Variants in NAT1 observed in about 807,000 individuals in gnomAD.
NAT1 encodes arylamine N-acetyltransferase 1.
For synonymous variants in NAT1, 144 were observed against 122.6 expected, an observed-to-expected ratio of 1.17 and a Z score of -1.16; for missense variants, 400 against 339.2, an observed-to-expected ratio of 1.18 and a Z score of -1.41.
intron 2 of NAT1, among the ~76,000 whole-genome samples, chr8:18,184,679 G>C (rs535962655): frequency 6.6e-6 from 1 of 152,184 alleles, no homozygotes; most frequent in Non-Finnish European, 1.5e-5. Flanking sequence ...TCCAACAGTA[G>C]TGGGAGGCAG....
intron 2 of NAT1, among the ~76,000 whole-genome samples, chr8:18,172,525 C>G (rs895203092): frequency 9.2e-5 from 14 of 152,292 alleles, no homozygotes; most frequent in Middle Eastern, 3.4e-3. Context: ...AAAACTAATA[C>G]ATGCTATTTC....
chr8:18,179,065 C>A (rs762649290), intron 2 of NAT1, among the ~76,000 whole-genome samples: 1 of 152,080 alleles, frequency 6.6e-6, no homozygotes, highest in African/African-American at 2.4e-5. Context: ...ACTGTATGCC[C>A]GGCCTTCTCT....
chr8:18,199,098 G>A (rs1485960737), intron 2 of NAT1, among the ~76,000 whole-genome samples: 1 of 151,782 alleles, frequency 6.6e-6, no homozygotes, highest in East Asian at 1.9e-4. Flanking sequence ...TGGATTACTT[G>A]AGGTCAGGAG....
chr8:18,214,700 AC>A (rs1185353062), intron 1 of NAT1, among the ~76,000 whole-genome samples: 1 of 152,106 alleles, frequency 6.6e-6, no homozygotes, highest in African/African-American at 2.4e-5. Flanking sequence ...ATTTTTCTTA[AC>A]TTTTAAATCC....
At chr8:18,183,026 C>T (rs1802581357) in intron 2 of NAT1, among the ~76,000 whole-genome samples, 1 of 151,998 alleles carries the variant, frequency 6.6e-6, no homozygotes, top group South Asian at 2.1e-4. Context: ...CTATTTTGTG[C>T]TGCTATAACA....
At chr8:18,189,598 A>T (rs1014171076) in intron 2 of NAT1, among the ~76,000 whole-genome samples, 1 of 152,162 alleles carries the variant, frequency 6.6e-6, no homozygotes, top group Non-Finnish European at 1.5e-5. Flanking sequence ...TTATTTGAAA[A>T]GTTGATCAGT....
At chr8:18,207,036 CTT>C (rs1284719194), upstream of NAT1, among the ~76,000 whole-genome samples, 5 of 151,946 alleles carry the variant, frequency 3.3e-5, no homozygotes, top group African/African-American at 9.7e-5. Flanking sequence ...TCCATCTTGA[CTT>C]AATTTTTGTA....
At chr8:18,174,560 C>G (rs1173039262) in intron 2 of NAT1, among the ~76,000 whole-genome samples, 2 of 152,104 alleles carry the variant, frequency 1.3e-5, no homozygotes, top group Non-Finnish European at 2.9e-5. Flanking sequence ...TACATTTTCT[C>G]CATCATAATG....
intron 2 of NAT1, among the ~76,000 whole-genome samples, chr8:18,185,374 T>G (rs1802692343): frequency 6.6e-6 from 1 of 152,180 alleles, no homozygotes; most frequent in Non-Finnish European, 1.5e-5. Context: ...TGTGACAGTT[T>G]TATGCATTAT....
At chr8:18,197,970 A>G (rs1278481537) in intron 2 of NAT1, among the ~76,000 whole-genome samples, 1 of 152,076 alleles carries the variant, frequency 6.6e-6, no homozygotes, top group African/African-American at 2.4e-5. Flanking sequence ...TGATGAGACA[A>G]CAAGGGATGC....
At chr8:18,207,644 G>A (rs952000310), upstream of NAT1, among the ~76,000 whole-genome samples, 1 of 152,172 alleles carries the variant, frequency 6.6e-6, no homozygotes, top group Non-Finnish European at 1.5e-5. Flanking sequence ...CAGAGAGATA[G>A]GAATGCTTTT....
At chr8:18,178,881 C>G (rs1157114947) in intron 2 of NAT1, among the ~76,000 whole-genome samples, 1 of 152,128 alleles carries the variant, frequency 6.6e-6, no homozygotes, top group Admixed American at 6.6e-5. Flanking sequence ...TCTAATACCA[C>G]TTACTCCTCT....
intron 2 of NAT1, chr8:18,221,837 G>C (rs1023403260): frequency 6.7e-5 from 31 of 463,872 alleles, no homozygotes; most frequent in African/African-American, 6.2e-4. Context: ...CTTGAAAGAA[G>C]ACATAATACA....
intron 1 of NAT1, among the ~76,000 whole-genome samples, chr8:18,210,617 C>T (rs1422772525): frequency 6.6e-6 from 1 of 152,222 alleles, no homozygotes; most frequent in Non-Finnish European, 1.5e-5. Flanking sequence ...CCTCTGTCCC[C>T]AGTGGTGTGT....
At chr8:18,189,405 A>G (rs1379546744) in intron 2 of NAT1, among the ~76,000 whole-genome samples, 1 of 152,170 alleles carries the variant, frequency 6.6e-6, no homozygotes, top group Non-Finnish European at 1.5e-5. Context: ...GAGATGGGAA[A>G]AGAGAGCAAT....
At chr8:18,184,822 T>A (rs1322902969) in intron 2 of NAT1, among the ~76,000 whole-genome samples, 2 of 152,176 alleles carry the variant, frequency 1.3e-5, no homozygotes, top group African/African-American at 4.8e-5. Flanking sequence ...GGATCCTGCA[T>A]TCTACTTCCC....
At chr8:18,217,139 A>G in intron 1 of NAT1, 2 of 599,688 alleles carry the variant, frequency 3.3e-6, no homozygotes, top group Non-Finnish European at 5.8e-6. Flanking sequence ...AGTCCCCATG[A>G]TGAGATCAGG....
chr8:18,207,377 G>C (rs887561891), upstream of NAT1, among the ~76,000 whole-genome samples: 4 of 149,334 alleles, frequency 2.7e-5, no homozygotes, highest in Admixed American at 2.6e-4. Context: ...GGTTCCATAT[G>C]AATTTTAAAA....
chr8:18,216,794 A>T (rs1253817102), intron 1 of NAT1: 1 of 770,158 alleles, frequency 1.3e-6, no homozygotes, highest in East Asian at 2.9e-5. Context: ...GGGTATGATG[A>T]GAATTTAGAA....
Sources: allele counts gnomAD v4.1 joint callset (sites outside exome capture counted in the v4.1 genomes callset), GRCh38; gene constraint gnomAD v4.1.1; transcripts MANE v1.5; gene names NCBI Gene and HGNC (gene_info 2026-07-23, HGNC 2026-07-21).